Variants in MGAT4C observed in about 807,000 individuals in gnomAD.
MGAT4C encodes alpha-1,3-mannosyl-glycoprotein 4-beta-N-acetylglucosaminyltransferase C.
Under a neutral mutation model 40.1 loss-of-function variants are expected in MGAT4C, and 19 were observed. The ratio of observed to expected loss-of-function variants is 0.47; its 90% CI spans 0.33 to 0.70. MGAT4C has a LOEUF of 0.70. Ranked by LOEUF, MGAT4C falls within the 30% of genes least tolerant of loss-of-function variation. The pLI is 0.02. For missense variants in MGAT4C, 491 were observed against 563.2 expected (o/e 0.87, Z 1.30); for synonymous variants, 181 against 187.1 (o/e 0.97, Z 0.27).
At chr12:86,585,466 T>C (rs953592256) in intron 2 of MGAT4C, among the ~76,000 whole-genome samples, 6 of 151,442 alleles carry the variant, frequency 4.0e-5, no homozygotes, top group African/African-American at 9.7e-5. Flanking sequence ...TAAAAACATA[T>C]TACATTAATT....
chr12:86,489,680 C>T (rs926630348), intron 2 of MGAT4C, among the ~76,000 whole-genome samples: 1 of 152,166 alleles, frequency 6.6e-6, no homozygotes, highest in Non-Finnish European at 1.5e-5. Flanking sequence ...CTTGTTTGCT[C>T]ATACACTCCC....
At chr12:85,988,594 G>A (rs1167230899) in intron 3 of MGAT4C, among the ~76,000 whole-genome samples, 1 of 151,592 alleles carries the variant, frequency 6.6e-6, no homozygotes, top group Non-Finnish European at 1.5e-5. Flanking sequence ...ATACAAATTA[G>A]GACAGATATT....
intron 2 of MGAT4C, among the ~76,000 whole-genome samples, chr12:86,647,391 C>T (rs1371543383): frequency 6.6e-6 from 1 of 151,852 alleles, no homozygotes; most frequent in Non-Finnish European, 1.5e-5. Flanking sequence ...AAATATTTTG[C>T]TTCACCTAAG....
chr12:86,279,830 G>T (rs1384445010), intron 4 of MGAT4C, among the ~76,000 whole-genome samples: 1 of 151,730 alleles, frequency 6.6e-6, no homozygotes, highest in South Asian at 2.1e-4. Context: ...ATTTTGGTAA[G>T]TTGTGTTCCC....
intron 2 of MGAT4C, among the ~76,000 whole-genome samples, chr12:86,452,659 G>C (rs1259910637): frequency 6.6e-6 from 1 of 151,862 alleles, no homozygotes; most frequent in Non-Finnish European, 1.5e-5. Flanking sequence ...TGAAAACCAA[G>C]AGAAAAATTA....
Position 86,001,982 on chromosome 12 carries a change from G to C in MGAT4C, c.-6-12430C>G, listed in dbSNP as rs1228540468. On this transcript the variant is annotated intron_variant, in intron 2 of 4. Transcript: ENST00000611864. ...GATTTTCCCGAAGTGAGTCCTCTGA[G>C]ATCTCTTCCTTCCCATTGCTTCTGC... is the stretch of plus-strand genomic sequence containing the variant. The C allele has an allele frequency of 2.0e-5, 3 of 152,140 alleles. No individual in the cohort carries two copies. The East Asian group carries it at 5.8e-4, about 29-fold the overall frequency. 9.4% of individuals were successfully genotyped at this position (152,140 alleles called of 1,614,324 possible).
chr12:86,679,929 T>C (rs1949949806), intron 2 of MGAT4C, among the ~76,000 whole-genome samples: 1 of 152,086 alleles, frequency 6.6e-6, no homozygotes. Context: ...TTCTCTAGGA[T>C]GGTCTTTGGC....
intron 1 of MGAT4C, among the ~76,000 whole-genome samples, chr12:86,199,778 T>A (rs1949968344): frequency 6.6e-6 from 1 of 152,124 alleles, no homozygotes; most frequent in Non-Finnish European, 1.5e-5. Flanking sequence ...TTGGAAAATG[T>A]GTATCACTAA....
intron 2 of MGAT4C, among the ~76,000 whole-genome samples, chr12:86,482,238 AT>A (rs550080657): frequency 2.0e-5 from 3 of 152,008 alleles, no homozygotes; most frequent in Non-Finnish European, 4.4e-5. Flanking sequence ...ACACTACACT[AT>A]TTTTACACAA....
rs192255840 is a variant in MGAT4C, at chr12:85,983,612, T to G, written c.206A>C (p.Tyr69Ser). 4.9e-5 allele frequency: 79 copies of G among 1,596,734 alleles called. No homozygotes were observed. In the East Asian group the frequency reaches 1.7e-3, roughly 35 times the overall value. Residue 69 changes from tyrosine (Y) to serine (S), a missense_variant, in exon 4 of 5, where the codon TAT (tyrosine) becomes TCT (serine). Tyr to Ser is a moderately radical substitution (Grantham distance 144). Transcript: ENST00000611864. The part of the protein sequence containing the change: ...TSTHQLNSER[Y>S]VHTFKDLSNF... ...AGATAAATCCTTGAAAGTATGAACATAGCGTTCTGAATTCAGTTGATGTGT... is the reference window on the plus strand; with the variant it reads ...AGATAAATCCTTGAAAGTATGAACAGAGCGTTCTGAATTCAGTTGATGTGT...
At chr12:86,645,254 C>G (rs11104019) in intron 2 of MGAT4C, among the ~76,000 whole-genome samples, 1 of 151,418 alleles carries the variant, frequency 6.6e-6, no homozygotes, top group African/African-American at 2.4e-5. Flanking sequence ...GGGTATTGGC[C>G]TGGGATGGAA....
chr12:86,062,148 C>A (rs765285710), intron 1 of MGAT4C, among the ~76,000 whole-genome samples: 11 of 152,182 alleles, frequency 7.2e-5, no homozygotes, highest in South Asian at 2.1e-4. Context: ...CTGGCAGGAG[C>A]CCCTCTGTGA....
In MGAT4C at chr12:85,970,110, A is replaced by G. The variant is rs1883549975; in HGVS notation, c.*9179T>C. The G allele has an allele frequency of 1.3e-5, 2 of 151,342 alleles. No individual in the cohort carries two copies. The highest frequency in any genetic ancestry group is 4.8e-5 in the African/African-American group (2 of 41,364). 9.4% of individuals were successfully genotyped at this position (151,342 alleles called of 1,614,324 possible). On this transcript the variant is annotated 3_prime_UTR_variant, in exon 5 of 5. Coordinates refer to ENST00000611864, the MANE Select transcript of MGAT4C (RefSeq NM_001351288.2). ...CTGTGGCCTTTACCCTTCAATAAAT[A>G]TGGATTATTAATATAATTTAGCTAC... is the stretch of plus-strand genomic sequence containing the variant.
At chr12:86,739,605 A>G (rs1361742921) in intron 1 of MGAT4C, among the ~76,000 whole-genome samples, 2 of 151,006 alleles carry the variant, frequency 1.3e-5, no homozygotes, top group African/African-American at 4.8e-5. Flanking sequence ...AACAATACAG[A>G]ATAATAACAA....
chr12:86,236,014 G>C (rs1035920867), intron 1 of MGAT4C, among the ~76,000 whole-genome samples: 1 of 152,038 alleles, frequency 6.6e-6, no homozygotes, highest in Non-Finnish European at 1.5e-5. Flanking sequence ...TGTCACAGCT[G>C]TATACAAAAA....
intron 1 of MGAT4C, among the ~76,000 whole-genome samples, chr12:86,777,806 C>A (rs777098548): frequency 5.3e-5 from 8 of 152,030 alleles, no homozygotes; most frequent in Admixed American, 2.6e-4. Flanking sequence ...AGAAGGATTA[C>A]CTTAAATCTT....
At chr12:86,037,831 G>A (rs1469092651) in intron 2 of MGAT4C, among the ~76,000 whole-genome samples, 1 of 149,674 alleles carries the variant, frequency 6.7e-6, no homozygotes, top group African/African-American at 2.4e-5. Context: ...AGGATTTCAA[G>A]CCCTGGATAT....
chr12:86,395,414 G>A (rs1367304112), intron 3 of MGAT4C, among the ~76,000 whole-genome samples: 1 of 152,028 alleles, frequency 6.6e-6, no homozygotes, highest in African/African-American at 2.4e-5. Context: ...ATACATTCAG[G>A]ACATTTTTAA....
At chr12:86,705,588 G>A (rs973629313) in intron 2 of MGAT4C, among the ~76,000 whole-genome samples, 46 of 152,086 alleles carry the variant, frequency 3.0e-4, no homozygotes, top group African/African-American at 1.1e-3. Context: ...TAATGTATAA[G>A]CAAATGTGCC....
Sources: allele counts gnomAD v4.1 joint callset (sites outside exome capture counted in the v4.1 genomes callset), GRCh38; gene constraint gnomAD v4.1.1; transcripts MANE v1.5; gene names NCBI Gene and HGNC (gene_info 2026-07-23, HGNC 2026-07-21).